Variants in BTAF1 observed in about 807,000 individuals in gnomAD.
The protein encoded by BTAF1 is B-TFIID TATA-box binding protein associated factor 1.
A neutral mutation model predicts 227.1 loss-of-function variants in BTAF1; 38 were observed. That is an observed-to-expected ratio of 0.17 (90% CI 0.13 to 0.22). BTAF1 has a LOEUF of 0.22. BTAF1 is among the 10% of genes least tolerant of loss of function. The pLI, the probability that BTAF1 is intolerant of heterozygous loss-of-function variation, is 1.00. For missense variants in BTAF1, 1,598 were observed against 2,204.0 expected, an observed-to-expected ratio of 0.73 and a Z score of 5.51; for synonymous variants, 742 against 751.9, an observed-to-expected ratio of 0.99 and a Z score of 0.21.
In BTAF1 at chr10:92,031,088, TG is replaced by T. The variant is rs1851868208; in HGVS notation, c.*2158del. Among the ~76,000 whole-genome samples the T allele has an allele frequency of 6.6e-6, 1 of 152,198 alleles. No homozygotes were observed. ...ATGTTAACTATTTTAAACTGGGAAT[TG>T]GGTTCATAGATATCCATTGTACTAC... On this transcript the variant is annotated 3_prime_UTR_variant, in exon 38 of 38. Coordinates refer to ENST00000265990, the MANE Select transcript of BTAF1 (RefSeq NM_003972.3).
rs1369021878 is a variant in BTAF1, at chr10:92,030,074, T to C, written c.*1141T>C. 5.9e-5 allele frequency: 9 copies of C among 152,600 alleles called. No individual in the cohort carries two copies. The highest frequency in any genetic ancestry group is 2.6e-4 in the Admixed American group (4 of 15,276). 9.5% of individuals were successfully genotyped at this position (152,600 alleles called of 1,614,324 possible). ...TAATACATGCCTGTGTGCATACATA[T>C]GTATGGGATATATTTGTATATATAT... is the stretch of plus-strand genomic sequence containing the variant. On this transcript the variant is annotated 3_prime_UTR_variant, in exon 38 of 38. Coordinates refer to ENST00000265990, the MANE Select transcript of BTAF1 (RefSeq NM_003972.3).
At chr10:91,969,177 T>A (rs1427544346) in intron 14 of BTAF1, among the ~76,000 whole-genome samples, 1 of 152,012 alleles carries the variant, frequency 6.6e-6, no homozygotes, top group Non-Finnish European at 1.5e-5. Flanking sequence ...CAGTTTCATA[T>A]TGTTTTTTAA....
At position 91,997,558 on chromosome 10, in the gene BTAF1, A is replaced by G. The variant is rs780321106; in HGVS notation, c.3512-45A>G. 15 of 1,556,758 alleles carry G rather than the reference A, an allele frequency of 9.6e-6. No homozygotes were observed. In the South Asian group the frequency reaches 1.4e-4, roughly 15 times the overall value. On this transcript the variant is annotated intron_variant, in intron 24 of 37. Transcript: ENST00000265990. ...TTGGTATCAGTTTGTTTGTGAAAAC[A>G]TCTGTCTTGGAACCATTTCAAAATT...
chr10:91,957,675 A>G (rs8181288), intron 8 of BTAF1, among the ~76,000 whole-genome samples: 41,597 of 152,088 alleles, frequency 0.27, 6,946 homozygotes, highest in Non-Finnish European at 0.38. Flanking sequence ...ACAGTTCCCA[A>G]TGTGTAGAAG....
chr10:91,997,244 C>CAA, intron 24 of BTAF1: 1 of 878,242 alleles, frequency 1.1e-6, no homozygotes, highest in Non-Finnish European at 1.6e-6. Context: ...GAGTGACACT[C>CAA]AGTTATATTC....
intron 25 of BTAF1, among the ~76,000 whole-genome samples, chr10:92,005,669 CTGT>C (rs891869274): frequency 1.3e-5 from 2 of 152,000 alleles, no homozygotes; most frequent in Non-Finnish European, 2.9e-5. Flanking sequence ...CACCAAAGAG[CTGT>C]TGTTTATTAT....
intron 1 of BTAF1, among the ~76,000 whole-genome samples, chr10:91,930,709 A>G (rs1023345335): frequency 1.3e-5 from 2 of 152,258 alleles, no homozygotes; most frequent in African/African-American, 2.4e-5. Flanking sequence ...TTAAGTACAC[A>G]CTGTACACTA....
chr10:91,972,917 T>C (rs979229302), intron 14 of BTAF1, among the ~76,000 whole-genome samples: 3 of 152,236 alleles, frequency 2.0e-5, no homozygotes, highest in Non-Finnish European at 4.4e-5. Flanking sequence ...ATTGGAGATA[T>C]TATATAATAT....
At chr10:91,983,962 A>C (rs530017504) in intron 18 of BTAF1, among the ~76,000 whole-genome samples, 1 of 151,982 alleles carries the variant, frequency 6.6e-6, no homozygotes, top group Non-Finnish European at 1.5e-5. Flanking sequence ...TTGGATAGGT[A>C]GAAAATGAAG....
intron 35 of BTAF1, among the ~76,000 whole-genome samples, chr10:92,026,353 T>G (rs1027701006): frequency 5.7e-4 from 87 of 152,350 alleles, no homozygotes; most frequent in African/African-American, 2.1e-3. Context: ...CTGATGTTAC[T>G]AAATTCAATG....
chr10:91,945,495 T>C (rs1467475905), intron 4 of BTAF1, among the ~76,000 whole-genome samples: 2 of 152,148 alleles, frequency 1.3e-5, no homozygotes. Context: ...TCTGTCTCCA[T>C]GAATTTGACT....
At chr10:91,964,002 CT>C in intron 12 of BTAF1, 74 bp from the exon 13 acceptor site, 2 of 1,539,154 alleles carry the variant, frequency 1.3e-6, no homozygotes, top group African/African-American at 1.4e-5. Context: ...GTAGTGACCC[CT>C]GGGATACCAT....
chr10:91,962,780 A>AT, intron 12 of BTAF1, 102 bp downstream of exon 12: 4 of 1,154,306 alleles, frequency 3.5e-6, no homozygotes, highest in South Asian at 3.8e-5. Flanking sequence ...CTTCATCTTC[A>AT]ATTTTTTTTT....
Position 92,029,540 on chromosome 10 carries a change from A to G in BTAF1, c.*607A>G, listed in dbSNP as rs1432969914. The G allele has an allele frequency of 6.6e-6, 1 of 152,008 alleles. No individual in the cohort carries two copies. Among genetic ancestry groups the G allele is most frequent in the African/African-American group, 2.4e-5 (1 of 41,432 alleles). 9.4% of individuals were successfully genotyped at this position (152,008 alleles called of 1,614,324 possible). A position where few individuals can be genotyped will look rare whatever the true frequency, so the allele number is the denominator to read the frequency against. ...TCATTTTTTCAACTTTTAAGATATA[A>G]TATCAACTATTCTAAATACAGGTAA... On this transcript the variant is annotated 3_prime_UTR_variant, in exon 38 of 38. Transcript: ENST00000265990.
chr10:91,933,802 T>A (rs1589743407), intron 1 of BTAF1, among the ~76,000 whole-genome samples: 1 of 152,036 alleles, frequency 6.6e-6, no homozygotes, highest in East Asian at 1.9e-4. Flanking sequence ...TTCTAGAGAG[T>A]GGAGATCAAG....
At chr10:92,022,624 G>C (rs972272800) in intron 34 of BTAF1, among the ~76,000 whole-genome samples, 1 of 151,982 alleles carries the variant, frequency 6.6e-6, no homozygotes, top group Admixed American at 6.6e-5. Flanking sequence ...TCCTATGTTG[G>C]CTAGGCTGGT....
intron 1 of BTAF1, among the ~76,000 whole-genome samples, chr10:91,930,722 C>T (rs1358733922): frequency 6.6e-6 from 1 of 152,210 alleles, no homozygotes; most frequent in Non-Finnish European, 1.5e-5. Context: ...GTACACTATA[C>T]TAAGTAATGG....
At chr10:91,949,939 C>T (rs1464150572) in intron 4 of BTAF1, among the ~76,000 whole-genome samples, 1 of 151,930 alleles carries the variant, frequency 6.6e-6, no homozygotes, top group Non-Finnish European at 1.5e-5. Flanking sequence ...AGTTCAAAAC[C>T]AGCCTGGGCA....
chr10:91,936,981 G>T (rs937679627), intron 2 of BTAF1, among the ~76,000 whole-genome samples: 2 of 151,604 alleles, frequency 1.3e-5, no homozygotes, highest in Admixed American at 6.6e-5. Context: ...TCGGCTGTCA[G>T]CGTTTTCCTG....
Sources: gnomAD v4.1 joint callset for allele counts (sites outside exome capture counted in the v4.1 genomes callset) on GRCh38, gnomAD v4.1.1 for gene constraint, MANE v1.5 for transcripts, NCBI Gene and HGNC (gene_info 2026-07-23, HGNC 2026-07-21) for gene names.